Variants in BCKDHB observed in about 807,000 individuals in gnomAD.
BCKDHB encodes branched chain keto acid dehydrogenase E1 subunit beta.
BCKDHB carries 41 observed loss-of-function variants against 48.5 expected under a neutral mutation model. The observed-to-expected ratio is 0.85, with a 90% CI of 0.66 to 1.10. The LOEUF is 1.10. BCKDHB is among the 50% of genes least tolerant of loss of function. BCKDHB has a pLI of 0.00. For missense variants in BCKDHB, 496 were observed against 494.2 expected (o/e 1.00, Z -0.03); for synonymous variants, 201 against 174.8 (o/e 1.15, Z -1.18).
chr6:80,440,548 T>C, the BCKDHB span, among the ~76,000 whole-genome samples: 46 of 152,216 alleles, frequency 3.0e-4, no homozygotes, highest in African/African-American at 1.1e-3. Flanking sequence ...TCTTCTCTGC[T>C]CATAAACACC....
intron 9 of BCKDHB, among the ~76,000 whole-genome samples, chr6:80,290,071 T>C (rs1166128459): frequency 6.6e-6 from 1 of 152,178 alleles, no homozygotes; most frequent in African/African-American, 2.4e-5. Flanking sequence ...ACCTGAGTAC[T>C]TTCCTAGTGA....
chr6:80,267,635 G>A (rs1777568993), intron 8 of BCKDHB, among the ~76,000 whole-genome samples: 1 of 152,030 alleles, frequency 6.6e-6, no homozygotes, highest in South Asian at 2.1e-4. Flanking sequence ...AGGTAAGGTC[G>A]ATTAACTGAC....
At position 80,112,860 on chromosome 6, in the gene BCKDHB, G is replaced by A. The variant is rs887115268; in HGVS notation, c.196+5971G>A. ...ATGTTTTCCCTCCAGAGGTGATGGC[G>A]TACTATGAAATTTGTTTTGTCCCTG... On this transcript the variant is annotated intron_variant, in intron 1 of 9. Transcript: ENST00000320393. Among the ~76,000 whole-genome samples the A allele has an allele frequency of 1.1e-4, 16 of 152,308 alleles. No individual in the cohort carries two copies. The East Asian group carries it at 1.4e-3, about 13-fold the overall frequency.
At chr6:80,444,385 G>T in the BCKDHB span, among the ~76,000 whole-genome samples, 1 of 152,222 alleles carries the variant, frequency 6.6e-6, no homozygotes, top group South Asian at 2.1e-4. Flanking sequence ...AACATGTTAC[G>T]CCATGCCAGG....
chr6:80,298,825 G>A (rs1214918345), intron 9 of BCKDHB, among the ~76,000 whole-genome samples: 1 of 152,136 alleles, frequency 6.6e-6, no homozygotes, highest in Non-Finnish European at 1.5e-5. Context: ...TGCAGCCAAC[G>A]CTGAATCAGA....
chr6:80,425,341 G>T, the BCKDHB span, among the ~76,000 whole-genome samples: 1 of 152,174 alleles, frequency 6.6e-6, no homozygotes, highest in South Asian at 2.1e-4. Context: ...CCACTGAGCT[G>T]CCAAATTTTC....
At chr6:80,220,851 C>A (rs1433947168) in intron 8 of BCKDHB, among the ~76,000 whole-genome samples, 1 of 151,222 alleles carries the variant, frequency 6.6e-6, no homozygotes, top group East Asian at 2.0e-4. Flanking sequence ...TCTCCTGCCT[C>A]AGCCTCCCAA....
the BCKDHB span, among the ~76,000 whole-genome samples, chr6:80,396,930 G>A: frequency 2.6e-5 from 4 of 152,102 alleles, no homozygotes; most frequent in African/African-American, 4.8e-5. Context: ...CACTGCCTAT[G>A]ATTGCTCATA....
chr6:80,423,640 A>G, the BCKDHB span, among the ~76,000 whole-genome samples: 3 of 152,288 alleles, frequency 2.0e-5, no homozygotes, highest in Non-Finnish European at 2.9e-5. Flanking sequence ...ACCAATTACT[A>G]TATAGGTTGA....
intron 6 of BCKDHB, among the ~76,000 whole-genome samples, chr6:80,190,362 G>C (rs995803701): frequency 6.6e-6 from 1 of 152,162 alleles, no homozygotes; most frequent in Non-Finnish European, 1.5e-5. Context: ...AAAGGATCAA[G>C]CTTGATATAT....
At chr6:80,300,660 T>C (rs1379191263) in intron 9 of BCKDHB, among the ~76,000 whole-genome samples, 1 of 152,162 alleles carries the variant, frequency 6.6e-6, no homozygotes, top group African/African-American at 2.4e-5. Context: ...CTGGACCAAA[T>C]GGACATCTAC....
chr6:80,324,669 C>A (rs1768940515), intron 9 of BCKDHB, among the ~76,000 whole-genome samples: 1 of 152,124 alleles, frequency 6.6e-6, no homozygotes, highest in Non-Finnish European at 1.5e-5. Context: ...CTTTCCCTTT[C>A]TCACTACCCT....
chr6:80,417,423 C>T, the BCKDHB span, among the ~76,000 whole-genome samples: 5 of 152,122 alleles, frequency 3.3e-5, no homozygotes, highest in African/African-American at 1.2e-4. Context: ...CTTGTTTATG[C>T]GGTTGTTTTA....
the BCKDHB span, among the ~76,000 whole-genome samples, chr6:80,351,391 C>T: frequency 6.6e-6 from 1 of 152,094 alleles, no homozygotes; most frequent in East Asian, 1.9e-4. Flanking sequence ...AACTTTTCTT[C>T]ATTTCTTTCA....
chr6:80,416,058 G>A, the BCKDHB span, among the ~76,000 whole-genome samples: 13 of 151,754 alleles, frequency 8.6e-5, no homozygotes, highest in Non-Finnish European at 1.3e-4. Flanking sequence ...GTTTATCTGC[G>A]TAGAGGTGTT....
intron 3 of BCKDHB, among the ~76,000 whole-genome samples, chr6:80,140,086 C>A (rs1248565811): frequency 6.6e-6 from 1 of 152,136 alleles, no homozygotes; most frequent in Non-Finnish European, 1.5e-5. Flanking sequence ...GGAGTTCACT[C>A]ATGATTTGGC....
intron 8 of BCKDHB, chr6:80,251,743 AC>A (rs1189083832): frequency 3.3e-5 from 5 of 152,170 alleles, no homozygotes; most frequent in African/African-American, 1.2e-4. Context: ...ATTTGCAGCA[AC>A]CAACATCAAC....
At chr6:80,226,690 G>A (rs1237649314) in intron 8 of BCKDHB, among the ~76,000 whole-genome samples, 1 of 152,206 alleles carries the variant, frequency 6.6e-6, no homozygotes, top group Non-Finnish European at 1.5e-5. Flanking sequence ...TTGTTTTAGT[G>A]AATGGGTGAG....
At chr6:80,133,970 A>G (rs920175882) in intron 3 of BCKDHB, among the ~76,000 whole-genome samples, 3 of 152,150 alleles carry the variant, frequency 2.0e-5, no homozygotes, top group Non-Finnish European at 4.4e-5. Flanking sequence ...CATATAAGTA[A>G]TGAGACAGAT....
Sources: allele counts gnomAD v4.1 joint callset (sites outside exome capture counted in the v4.1 genomes callset), GRCh38; gene constraint gnomAD v4.1.1; transcripts MANE v1.5; gene names NCBI Gene and HGNC (gene_info 2026-07-23, HGNC 2026-07-21).